The following PIWIL4 variants were observed in gnomAD, a reference collection of about 807,000 sequenced individuals.
PIWIL4 encodes the protein piwi like RNA-mediated gene silencing 4.
PIWIL4 carries 50 observed loss-of-function variants against 100.9 expected under a neutral mutation model. That is an observed-to-expected ratio of 0.50 (90% CI 0.39 to 0.63). The LOEUF is 0.63. Among genes scored for constraint, PIWIL4 ranks in the 20% least tolerant of loss-of-function variants. PIWIL4 has a pLI of 0.00. For synonymous variants in PIWIL4, 342 were observed against 367.5 expected (o/e 0.93, Z 0.79); for missense variants, 887 against 1,043.3 (o/e 0.85, Z 2.06).
Position 94,577,243 on chromosome 11 carries a change from T to C in PIWIL4, c.299-35T>C, listed in dbSNP as rs186784348. ...TTAATATTAACATGATGTGATTTCC[T>C]GATTAAAAAATTGTTTTTTGTTTGT... On this transcript the variant is annotated intron_variant, in intron 3 of 19. Coordinates refer to ENST00000299001, the MANE Select transcript of PIWIL4 (RefSeq NM_152431.3). 7.4e-6 allele frequency: 11 copies of C among 1,486,498 alleles called. No individual in the cohort carries two copies. The African/African-American group carries it at 1.4e-4, about 19-fold the overall frequency. 92.1% of individuals were successfully genotyped at this position (1,486,498 alleles called of 1,614,324 possible).
At chr11:94,609,485 G>C (rs990733573) in intron 15 of PIWIL4, among the ~76,000 whole-genome samples, 5 of 152,012 alleles carry the variant, frequency 3.3e-5, no homozygotes, top group African/African-American at 1.2e-4. Flanking sequence ...TTCATGATCA[G>C]GTATGTATTT....
In PIWIL4 at chr11:94,613,142, G is replaced by A. The variant is rs1357933314; in HGVS notation, c.1944-3351G>A. On this transcript the variant is annotated intron_variant, in intron 15 of 19. Transcript: ENST00000299001. ...AACTCCCTTTGTTATTTCTTATATG[G>A]CAGGTCTAATGGTGATGAACTTCCT... Among the ~76,000 whole-genome samples the A allele has an allele frequency of 2.6e-5, 4 of 152,022 alleles. No homozygotes were observed. The East Asian group carries it at 7.7e-4, about 29-fold the overall frequency.
chr11:94,569,921 G>A (rs1948126915), intron 2 of PIWIL4, among the ~76,000 whole-genome samples: 2 of 152,036 alleles, frequency 1.3e-5, no homozygotes, highest in African/African-American at 4.8e-5. Flanking sequence ...ATATATCCAT[G>A]TAACAAAACT....
At position 94,620,989 on chromosome 11, in the gene PIWIL4, G is replaced by T; in HGVS notation, c.2556G>T (p.Leu852=). ...SLELANHLFY[L] is the part of the protein sequence containing the mutation. ...AATTAGCCAACCATCTCTTCTACCT[G>T]TGATGGCATGAACTACTGGCATCAC... The change falls in exon 20 of 20, where the codon CTG becomes CTT. Residue 852 remains leucine (L), a synonymous_variant. Transcript: ENST00000299001. 6.2e-7 allele frequency: 1 copy of T among 1,604,186 alleles called. No homozygotes were observed. Among genetic ancestry groups the T allele is most frequent in the Non-Finnish European group, 8.5e-7 (1 of 1,171,372 alleles).
chr11:94,592,145 C>G (rs1482217888), intron 8 of PIWIL4, among the ~76,000 whole-genome samples: 1 of 152,222 alleles, frequency 6.6e-6, no homozygotes, highest in Non-Finnish European at 1.5e-5. Flanking sequence ...CCCTCCCACT[C>G]CAGCCCAGGG....
At chr11:94,597,664 A>T (rs890153563) in intron 10 of PIWIL4, 140 bp from the exon 11 acceptor site, 4 of 599,440 alleles carry the variant, frequency 6.7e-6, no homozygotes, top group African/African-American at 3.7e-5. Flanking sequence ...GTTGTCCCGT[A>T]ATTCTTTTAA....
intron 13 of PIWIL4, 28 bp from the exon 14 acceptor site, chr11:94,607,411 C>T (rs1032168207): frequency 6.3e-7 from 1 of 1,588,680 alleles, no homozygotes; most frequent in African/African-American, 1.3e-5. Context: ...AATTAACTTC[C>T]AAAATCTTTT....
chr11:94,583,642 A>G, intron 5 of PIWIL4, 73 bp downstream of exon 5: 2 of 1,582,358 alleles, frequency 1.3e-6, no homozygotes, highest in Non-Finnish European at 1.7e-6. Flanking sequence ...TATTAAAATA[A>G]TCGACCATTT....
intron 2 of PIWIL4, among the ~76,000 whole-genome samples, chr11:94,571,726 A>G (rs1948157685): frequency 6.6e-6 from 1 of 152,226 alleles, no homozygotes; most frequent in Non-Finnish European, 1.5e-5. Flanking sequence ...TGCTATTGTG[A>G]ATAGTGCCAC....
rs1317718679 is a variant in PIWIL4 at position 94,600,519 on chromosome 11, G to A, written c.1381-1276G>A. Among the ~76,000 whole-genome samples, 5 of 152,152 alleles carry A rather than the reference G, an allele frequency of 3.3e-5. No individual in the cohort carries two copies. In the South Asian group the frequency reaches 6.2e-4, roughly 19 times the overall value. On this transcript the variant is annotated intron_variant, in intron 11 of 19. Coordinates refer to ENST00000299001, the MANE Select transcript of PIWIL4 (RefSeq NM_152431.3). ...TCACAAAGATCACGTACTTTACAAG[G>A]TAATAGAATATCACAAGGCAAATGG...
chr11:94,569,822 G>A lies in PIWIL4; in HGVS notation c.166+1014G>A, dbSNP rs115359920. On this transcript the variant is annotated intron_variant, in intron 2 of 19. Transcript: ENST00000299001. ...ATTGGAGACTCGGAAGGTTGGGAGG[G>A]TGGGAGGGGAGTGAGAAATTGCTTA... Among the ~76,000 whole-genome samples, 559 of 151,342 alleles carry A rather than the reference G, an allele frequency of 3.7e-3. 4 individuals are homozygous for A. The highest frequency in any genetic ancestry group is 0.011 in the African/African-American group (472 of 41,186).
At chr11:94,588,654 G>A (rs988302929) in intron 7 of PIWIL4, among the ~76,000 whole-genome samples, 7 of 152,296 alleles carry the variant, frequency 4.6e-5, no homozygotes, top group African/African-American at 1.7e-4. Context: ...TTTTGCCAAG[G>A]GCCAGCCCTA....
intron 15 of PIWIL4, 49 bp downstream of exon 15, chr11:94,608,735 A>C (rs367623342): frequency 8.7e-6 from 13 of 1,493,232 alleles, no homozygotes; most frequent in Non-Finnish European, 1.2e-5. Context: ...TAGACTATTA[A>C]TTGTGGTTTC....
At chr11:94,569,965 A>T (rs975900076) in intron 2 of PIWIL4, among the ~76,000 whole-genome samples, 3 of 152,206 alleles carry the variant, frequency 2.0e-5, no homozygotes, top group African/African-American at 7.2e-5. Flanking sequence ...ACGCATTTTT[A>T]AAAAAGCAGA....
chr11:94,594,487 A>G (rs1948529998), intron 9 of PIWIL4, among the ~76,000 whole-genome samples: 1 of 151,666 alleles, frequency 6.6e-6, no homozygotes, highest in Non-Finnish European at 1.5e-5. Context: ...GAAAAGAAAG[A>G]AAGAAAAATT....
chr11:94,571,707 C>T (rs1948157539), intron 2 of PIWIL4, among the ~76,000 whole-genome samples: 1 of 152,162 alleles, frequency 6.6e-6, no homozygotes, highest in African/African-American at 2.4e-5. Context: ...TGGGTTGGTT[C>T]CAAGTCTTTG....
rs780638011 is a variant in PIWIL4 at position 94,601,795 on chromosome 11, T to C, written c.1381T>C (p.Cys461Arg). ...CTTTCATGATCATTATTTTTCTCAG[T>C]GTCAACCTGTGTCTGCTGCTGACTG... ...SEKILMQDHI[C>R]QPVSAADWSK... Residue 461 changes from cysteine (C) to arginine (R), a missense_variant and splice_region_variant, in exon 12 of 20, where the codon TGT becomes CGT. By Grantham distance (180) the Cys-to-Arg change is radical. Coordinates refer to ENST00000299001, the MANE Select transcript of PIWIL4 (RefSeq NM_152431.3). The C allele has an allele frequency of 1.9e-6, 3 of 1,613,278 alleles. No individual in the cohort carries two copies. The highest frequency in any genetic ancestry group is 2.5e-6 in the Non-Finnish European group (3 of 1,179,482).
intron 15 of PIWIL4, among the ~76,000 whole-genome samples, chr11:94,613,336 G>A (rs1948807052): frequency 6.6e-6 from 1 of 152,192 alleles, no homozygotes; most frequent in Non-Finnish European, 1.5e-5. Flanking sequence ...GATAGCCTAT[G>A]AGGGTTCCTT....
Position 94,585,441 on chromosome 11 carries a change from G to T in PIWIL4, c.636-4G>T, listed in dbSNP as rs1591784365. 5.0e-6 allele frequency: 8 copies of T among 1,603,500 alleles called. No individual in the cohort carries two copies. In the East Asian group the frequency reaches 1.8e-4, roughly 36 times the overall value. On this transcript the variant is annotated splice_polypyrimidine_tract_variant and splice_region_variant and intron_variant, in intron 5 of 19. Transcript: ENST00000299001. ...ACCAAAAATTCAAAAAAATATACTT[G>T]CAGGATCCTCAAAAAGTTGTCCATG...
Sources: gnomAD v4.1 joint callset for allele counts (sites outside exome capture counted in the v4.1 genomes callset) on GRCh38, gnomAD v4.1.1 for gene constraint, MANE v1.5 for transcripts, NCBI Gene and HGNC (gene_info 2026-07-23, HGNC 2026-07-21) for gene names.